The following ASIC2 variants were observed in gnomAD, a reference collection of about 807,000 sequenced individuals.
ASIC2 encodes the protein acid-sensing ion channel 2.
A neutral mutation model predicts 57.3 loss-of-function variants in ASIC2; 25 were observed. The observed-to-expected ratio is 0.44, with a 90% CI of 0.32 to 0.61. The LOEUF (loss-of-function observed/expected upper bound fraction) is 0.61, where lower values mean the gene tolerates loss of function less well. Among genes scored for constraint, ASIC2 ranks in the 20% least tolerant of loss-of-function variants. The pLI, the probability that ASIC2 is intolerant of heterozygous loss-of-function variation, is 0.06. For missense variants in ASIC2, 641 were observed against 738.1 expected (o/e 0.87, Z 1.52); for synonymous variants, 319 against 307.5 (o/e 1.04, Z -0.39).
chr17:33,365,134 C>A (rs948150419), intron 1 of ASIC2, among the ~76,000 whole-genome samples: 4 of 152,184 alleles, frequency 2.6e-5, no homozygotes, highest in Non-Finnish European at 5.9e-5. Flanking sequence ...TTGGATGTCT[C>A]CAACTTCATA....
chr17:33,392,204 T>C (rs866837985), intron 1 of ASIC2, among the ~76,000 whole-genome samples: 3 of 128,862 alleles, frequency 2.3e-5, no homozygotes, highest in Non-Finnish European at 5.5e-5. Context: ...CCCTCCTTCC[T>C]TCCTTCCTTC....
At chr17:33,781,193 G>A (rs907646738) in intron 1 of ASIC2, among the ~76,000 whole-genome samples, 8 of 152,280 alleles carry the variant, frequency 5.3e-5, no homozygotes, top group South Asian at 2.1e-4. Flanking sequence ...TAACAGCCAC[G>A]CAGCTTAATC....
intron 1 of ASIC2, among the ~76,000 whole-genome samples, chr17:33,761,438 G>T (rs752570603): frequency 4.6e-5 from 7 of 152,126 alleles, no homozygotes; most frequent in African/African-American, 7.2e-5. Context: ...CTGAACTCAT[G>T]CCAGGCTCTG....
chr17:33,240,350 C>G (rs1478032195), intron 1 of ASIC2, among the ~76,000 whole-genome samples: 2 of 152,116 alleles, frequency 1.3e-5, no homozygotes. Flanking sequence ...TCAGCTCATT[C>G]CAGAGGAGTT....
intron 1 of ASIC2, among the ~76,000 whole-genome samples, chr17:34,104,199 C>G (rs1362543150): frequency 6.6e-6 from 1 of 152,012 alleles, no homozygotes; most frequent in East Asian, 1.9e-4. Context: ...AAGCATTTTA[C>G]ATTTTTATAA....
chr17:33,432,414 A>G (rs531447940), intron 1 of ASIC2, among the ~76,000 whole-genome samples: 3 of 152,166 alleles, frequency 2.0e-5, no homozygotes, highest in African/African-American at 7.2e-5. Flanking sequence ...TACTCGGGAG[A>G]CTCAGTGGGA....
intron 1 of ASIC2, among the ~76,000 whole-genome samples, chr17:33,252,095 C>G (rs1176837462): frequency 6.6e-6 from 1 of 152,170 alleles, no homozygotes; most frequent in Non-Finnish European, 1.5e-5. Context: ...TGGGGTCTTG[C>G]TATTCCCTCC....
At chr17:33,111,815 G>C (rs1004140882) in intron 2 of ASIC2, 102 bp downstream of exon 2, 73 of 1,457,224 alleles carry the variant, frequency 5.0e-5, no homozygotes, top group Middle Eastern at 5.0e-4. Flanking sequence ...TTGCTGGAGA[G>C]CAGTCCCTCA....
intron 1 of ASIC2, among the ~76,000 whole-genome samples, chr17:33,997,327 T>C (rs1906195208): frequency 6.9e-6 from 1 of 144,270 alleles, no homozygotes; most frequent in African/African-American, 2.6e-5. Flanking sequence ...TTTTTTTTTT[T>C]TTTTTTTGTA....
At chr17:34,086,999 C>G (rs1014615156) in intron 1 of ASIC2, among the ~76,000 whole-genome samples, 1 of 152,114 alleles carries the variant, frequency 6.6e-6, no homozygotes, top group Non-Finnish European at 1.5e-5. Context: ...ATCCAATTTG[C>G]CAGTCTGTGT....
At chr17:33,612,566 C>T (rs997660990) in intron 1 of ASIC2, among the ~76,000 whole-genome samples, 1 of 152,204 alleles carries the variant, frequency 6.6e-6, no homozygotes, top group East Asian at 1.9e-4. Context: ...TGCTCCTCTA[C>T]AGTTCCCAGC....
intron 1 of ASIC2, among the ~76,000 whole-genome samples, chr17:33,455,352 C>T (rs556218615): frequency 7.6e-4 from 115 of 152,310 alleles, no homozygotes; most frequent in Non-Finnish European, 1.2e-3. Flanking sequence ...CCCTTTCTCT[C>T]CCTCCAGTAG....
intron 1 of ASIC2, among the ~76,000 whole-genome samples, chr17:33,938,104 T>C (rs954259442): frequency 6.6e-6 from 1 of 152,232 alleles, no homozygotes; most frequent in African/African-American, 2.4e-5. Context: ...CTGAGCTACC[T>C]GAACTTTAAA....
chr17:33,794,920 G>A (rs1038999228), intron 1 of ASIC2, among the ~76,000 whole-genome samples: 1 of 152,106 alleles, frequency 6.6e-6, no homozygotes, highest in African/African-American at 2.4e-5. Flanking sequence ...GTATATCTTT[G>A]AATAAGACAC....
At chr17:34,084,403 T>G (rs1260927829) in intron 1 of ASIC2, among the ~76,000 whole-genome samples, 2 of 152,270 alleles carry the variant, frequency 1.3e-5, no homozygotes, top group South Asian at 2.1e-4. Flanking sequence ...CATTGATCTA[T>G]ATCTCTGTTT....
chr17:33,625,442 C>T (rs536290661), intron 1 of ASIC2, among the ~76,000 whole-genome samples: 2 of 152,250 alleles, frequency 1.3e-5, no homozygotes, highest in East Asian at 3.9e-4. Flanking sequence ...TGACTGCAGC[C>T]CTAACCAACA....
At chr17:33,315,637 G>C (rs568250415) in intron 1 of ASIC2, among the ~76,000 whole-genome samples, 64 of 152,222 alleles carry the variant, frequency 4.2e-4, no homozygotes, top group African/African-American at 1.5e-3. Context: ...GTTTAAGGGA[G>C]GAAATTTTTT....
intron 1 of ASIC2, among the ~76,000 whole-genome samples, chr17:33,510,178 T>C (rs1914388710): frequency 6.6e-6 from 1 of 152,142 alleles, no homozygotes; most frequent in South Asian, 2.1e-4. Flanking sequence ...AGCAGGTGGG[T>C]TGGGCCAGAG....
At chr17:33,064,223 G>A (rs2092032774) in intron 3 of ASIC2, among the ~76,000 whole-genome samples, 1 of 152,226 alleles carries the variant, frequency 6.6e-6, no homozygotes. Context: ...TCCTTTGGAG[G>A]AGGAGAGGCG....
Sources: allele counts gnomAD v4.1 joint callset (sites outside exome capture counted in the v4.1 genomes callset), GRCh38; gene constraint gnomAD v4.1.1; transcripts MANE v1.5; gene names NCBI Gene and HGNC (gene_info 2026-07-23, HGNC 2026-07-21).